The following HPS4 variants were observed in gnomAD, a reference collection of about 807,000 sequenced individuals.
HPS4 encodes the protein HPS4 biogenesis of lysosomal organelles complex 3 subunit 2.
HPS4 carries 44 observed loss-of-function variants against 70.3 expected under a neutral mutation model. The ratio of observed to expected loss-of-function variants is 0.63; its 90% CI spans 0.49 to 0.80. The LOEUF (loss-of-function observed/expected upper bound fraction) is 0.80, where lower values mean the gene tolerates loss of function less well. Ranked by LOEUF, HPS4 falls within the 30% of genes least tolerant of loss-of-function variation. The pLI is 0.00. For synonymous variants in HPS4, 377 were observed against 355.9 expected, an observed-to-expected ratio of 1.06 and a Z score of -0.67; for missense variants, 873 against 884.4, an observed-to-expected ratio of 0.99 and a Z score of 0.16.
rs367897224 is a variant in HPS4, at chr22:26,453,250, C to T, written c.2110G>A (p.Gly704Arg). 6 of 1,614,090 alleles carry T rather than the reference C, an allele frequency of 3.7e-6. No homozygotes were observed. The highest frequency in any genetic ancestry group is 2.2e-5 in the South Asian group (2 of 91,090). ...GKAKQKLLKH[G>R]VNLL ...GGTGCAGTTCAGAGCAAGTTCACCCCGTGCTTCAGCAGCTTCTGCTTTGCT... is the reference window on the plus strand; with the variant it reads ...GGTGCAGTTCAGAGCAAGTTCACCCTGTGCTTCAGCAGCTTCTGCTTTGCT... The change falls in exon 14 of 14, where the codon GGG (glycine) becomes AGG (arginine). Residue 704 changes from glycine (G) to arginine (R), a missense_variant. Coordinates refer to ENST00000398145, the MANE Select transcript of HPS4 (RefSeq NM_022081.6).
intron 13 of HPS4, among the ~76,000 whole-genome samples, chr22:26,457,240 G>A (rs905473042): frequency 1.7e-5 from 2 of 114,702 alleles, no homozygotes; most frequent in South Asian, 2.9e-4. Context: ...TTTCTGAGAC[G>A]CAGTCTCACT....
Position 26,477,008 on chromosome 22 carries a change from A to G in HPS4, c.261T>C (p.Asp87=), listed in dbSNP as rs1235533003. The change falls in exon 4 of 14, where the codon GAT becomes GAC. Residue 87 remains aspartate, a synonymous_variant. Transcript: ENST00000398145. The stretch of plus-strand genomic sequence containing the variant: ...TTCAACTTACCCAAAGGTAATCTCC[A>G]TCAACTTTTATGGCAAACTTCAGTT... ...LRKLKFAIKV[D]GDYLWVLGCA... 3.1e-6 allele frequency: 5 copies of G among 1,614,130 alleles called. No individual in the cohort carries two copies. Among genetic ancestry groups the G allele is most frequent in the East Asian group, 4.5e-5 (2 of 44,886 alleles).
In HPS4 at chr22:26,481,573, C is replaced by T. The variant is rs739291; in HGVS notation, c.41+149G>A. ...GTTAGCTTTGGAGAGCGATGGCTCA[C>T]GTGCTTGATTCAGCTGCTCTGAGGA... On this transcript the variant is annotated intron_variant, in intron 2 of 13. Coordinates refer to ENST00000398145, the MANE Select transcript of HPS4 (RefSeq NM_022081.6). 631,349 of 736,578 alleles carry T rather than the reference C, an allele frequency of 0.86. 273,220 individuals carry two copies. The highest frequency in any genetic ancestry group is 0.91 in the South Asian group (60,206 of 66,490). 45.6% of individuals were successfully genotyped at this position (736,578 alleles called of 1,614,324 possible).
downstream of HPS4, among the ~76,000 whole-genome samples, chr22:26,445,906 A>T (rs373199364): frequency 3.9e-5 from 6 of 152,068 alleles, no homozygotes; most frequent in Admixed American, 3.3e-4. Context: ...AGAGAGGGAG[A>T]CAGGGGGGTC....
chr22:26,460,673 T>G (rs2087067395), intron 11 of HPS4, among the ~76,000 whole-genome samples: 1 of 152,182 alleles, frequency 6.6e-6, no homozygotes, highest in South Asian at 2.1e-4. Context: ...TCAGATGACA[T>G]GTGGATAATT....
downstream of HPS4, among the ~76,000 whole-genome samples, chr22:26,447,565 A>C (rs753481316): frequency 1.3e-5 from 2 of 152,162 alleles, no homozygotes; most frequent in African/African-American, 4.8e-5. Context: ...CAGGATGTAA[A>C]TATGAGTAGC....
chr22:26,454,908 A>C (rs1420642994), intron 13 of HPS4, among the ~76,000 whole-genome samples: 1 of 152,036 alleles, frequency 6.6e-6, no homozygotes, highest in Non-Finnish European at 1.5e-5. Flanking sequence ...AACCCCATCA[A>C]AAAGTGGGCG....
chr22:26,479,307 G>T lies in HPS4; in HGVS notation c.90C>A (p.Gly30=). The change falls in exon 3 of 14, where the codon GGC becomes GGA. Residue 30 remains glycine (G), a synonymous_variant. Coordinates refer to ENST00000398145, the MANE Select transcript of HPS4 (RefSeq NM_022081.6). ...AACAAATGCCAGCTCTTGTTGGATC[G>T]CCTTCTTCCTTTACCTTGGAACCAT... ...LYDGSKVKEE[G]DPTRAGICYF... is the part of the protein sequence containing the mutation. 6.2e-7 allele frequency: 1 copy of T among 1,614,090 alleles called. No individual in the cohort carries two copies. Among genetic ancestry groups the T allele is most frequent in the South Asian group, 1.1e-5 (1 of 91,066 alleles).
At chr22:26,461,428 T>C (rs780637668) in intron 11 of HPS4, among the ~76,000 whole-genome samples, 39 of 152,098 alleles carry the variant, frequency 2.6e-4, no homozygotes, top group Non-Finnish European at 4.7e-4. Context: ...CCACTCCCTC[T>C]GAGGGAATTC....
At chr22:26,446,288 C>T (rs1438319267), downstream of HPS4, among the ~76,000 whole-genome samples, 2 of 152,220 alleles carry the variant, frequency 1.3e-5, no homozygotes, top group Non-Finnish European at 2.9e-5. Context: ...CAAACCCTTT[C>T]TCCCAGGCAC....
At chr22:26,472,475 G>T in intron 5 of HPS4, 57 bp from the exon 6 acceptor site, 1 of 1,128,264 alleles carries the variant, frequency 8.9e-7, no homozygotes, top group Non-Finnish European at 1.4e-6. Flanking sequence ...AGATTCTTTG[G>T]CCAGAGTCCC....
At position 26,472,427 on chromosome 22, in the gene HPS4, G is replaced by GA; in HGVS notation, c.385-10dup. 1.3e-6 allele frequency: 2 copies of GA among 1,521,780 alleles called. No homozygotes were observed. The highest frequency in any genetic ancestry group is 1.8e-6 in the Non-Finnish European group (2 of 1,095,656). The allele number at this position is 1,521,780 out of a possible 1,614,324, so 94.3% of individuals were successfully genotyped here. On this transcript the variant is annotated splice_polypyrimidine_tract_variant and intron_variant, in intron 5 of 13. Coordinates refer to ENST00000398145, the MANE Select transcript of HPS4 (RefSeq NM_022081.6). ...TCTTCCTGAGAACAGTTCTAAAACA[G>GA]AAAGAGCCTCAGGTCAATATCTGAG...
chr22:26,479,692 C>T (rs1361874500), intron 2 of HPS4: 13 of 1,126,184 alleles, frequency 1.2e-5, no homozygotes, highest in Non-Finnish European at 1.4e-5. Flanking sequence ...GATACGCTGT[C>T]TTTTAAGGCT....
chr22:26,473,352 C>A (rs1454363404), intron 4 of HPS4, among the ~76,000 whole-genome samples: 1 of 152,172 alleles, frequency 6.6e-6, no homozygotes, highest in Non-Finnish European at 1.5e-5. Context: ...AGGACTCAAA[C>A]TCCTTCATGA....
intron 12 of HPS4, 78 bp from the exon 13 acceptor site, chr22:26,458,045 A>C: frequency 8.6e-7 from 1 of 1,164,288 alleles, no homozygotes; most frequent in Non-Finnish European, 1.2e-6. Flanking sequence ...CCAGTACTGA[A>C]CACGGGGACT....
At chr22:26,448,251 C>T (rs933143045), downstream of HPS4, among the ~76,000 whole-genome samples, 1 of 152,236 alleles carries the variant, frequency 6.6e-6, no homozygotes, top group Admixed American at 6.5e-5. Flanking sequence ...TTGCTGAGGG[C>T]CCATGATAGG....
At chr22:26,458,866 T>TTGATCCAGCAAAATGGA (rs1316548949) in intron 11 of HPS4, among the ~76,000 whole-genome samples, 1 of 151,916 alleles carries the variant, frequency 6.6e-6, no homozygotes, top group East Asian at 1.9e-4. Flanking sequence ...TACTGCCTAC[T>TTGATCCAGCAAAATGGA]TGATCCAGCA....
At chr22:26,479,458 G>A in intron 2 of HPS4, 103 bp from the exon 3 acceptor site, 1 of 1,529,614 alleles carries the variant, frequency 6.5e-7, no homozygotes. Context: ...TTATTACTGT[G>A]TTTGAAAGCC....
At chr22:26,472,262 G>T in intron 6 of HPS4, 40 bp downstream of exon 6, 2 of 1,179,146 alleles carry the variant, frequency 1.7e-6, no homozygotes, top group Non-Finnish European at 2.6e-6. Flanking sequence ...AGAAGCCCTA[G>T]TCTTACATAT....
Sources: gnomAD v4.1 joint callset for allele counts (sites outside exome capture counted in the v4.1 genomes callset) on GRCh38, gnomAD v4.1.1 for gene constraint, MANE v1.5 for transcripts, NCBI Gene and HGNC (gene_info 2026-07-23, HGNC 2026-07-21) for gene names.